Variants in BLNK observed in about 807,000 individuals in gnomAD.
BLNK encodes B-cell linker protein.
A neutral mutation model predicts 73.5 loss-of-function variants in BLNK; 29 were observed. That is an observed-to-expected ratio of 0.39 (90% CI 0.29 to 0.54). The LOEUF (loss-of-function observed/expected upper bound fraction) is 0.54. Ranked by LOEUF, BLNK falls within the 20% of genes least tolerant of loss-of-function variation. The probability of loss-of-function intolerance (pLI) is 0.61; values close to 1 mark genes in which losing one functional copy is unlikely to be tolerated. For synonymous variants in BLNK, 176 were observed against 200.8 expected (o/e 0.88, Z 1.04); for missense variants, 460 against 562.8 (o/e 0.82, Z 1.85).
At chr10:96,249,554 A>C (rs1843191157) in intron 1 of BLNK, among the ~76,000 whole-genome samples, 1 of 152,356 alleles carries the variant, frequency 6.6e-6, no homozygotes, top group South Asian at 2.1e-4. Flanking sequence ...AATTGGGAAA[A>C]GGGAGATTGC....
At chr10:96,196,353 C>A (rs1369958385) in intron 16 of BLNK, among the ~76,000 whole-genome samples, 3 of 152,160 alleles carry the variant, frequency 2.0e-5, no homozygotes, top group African/African-American at 7.2e-5. Context: ...ATGGTAAGCA[C>A]TGAGTTTGGT....
At position 96,190,228 on chromosome 10, in the gene BLNK, G is replaced by T; in HGVS notation, c.*1745C>A. Reference sequence around the variant, plus strand: ...TCCATCGAATCTTCCATCAGGTGGCGGCACACACTTAGGTGGGAGAGAAAG... The same window carrying T: ...TCCATCGAATCTTCCATCAGGTGGCTGCACACACTTAGGTGGGAGAGAAAG... On this transcript the variant is annotated 3_prime_UTR_variant, in exon 17 of 17. Coordinates refer to ENST00000224337, the MANE Select transcript of BLNK (RefSeq NM_013314.4). The T allele has an allele frequency of 1.3e-6, 1 of 753,490 alleles. No homozygotes were observed. Among genetic ancestry groups the T allele is most frequent in the South Asian group, 1.3e-5 (1 of 74,438 alleles). 46.7% of individuals were successfully genotyped at this position (753,490 alleles called of 1,614,324 possible). A position where few individuals can be genotyped will look rare whatever the true frequency, so the allele number is the denominator to read the frequency against.
intron 8 of BLNK, 58 bp from the exon 9 acceptor site, chr10:96,209,965 C>T (rs2083910505): frequency 1.3e-6 from 2 of 1,581,098 alleles, no homozygotes; most frequent in African/African-American, 1.3e-5. Context: ...CTGATGCTCA[C>T]ACTGAGGCTG....
At chr10:96,223,360 G>A (rs1008497006) in intron 6 of BLNK, among the ~76,000 whole-genome samples, 25 of 152,106 alleles carry the variant, frequency 1.6e-4, no homozygotes, top group African/African-American at 5.1e-4. Context: ...CGTCCGCTTG[G>A]CCCTCTTCTA....
intron 1 of BLNK, among the ~76,000 whole-genome samples, chr10:96,263,439 C>A (rs1177403844): frequency 1.3e-5 from 2 of 152,202 alleles, no homozygotes; most frequent in African/African-American, 4.8e-5. Flanking sequence ...AAACAGTCAC[C>A]ACATGTCCCT....
chr10:96,197,639 T>C (rs1316632458), intron 15 of BLNK, among the ~76,000 whole-genome samples: 2 of 152,158 alleles, frequency 1.3e-5, no homozygotes, highest in African/African-American at 4.8e-5. Context: ...ATAAGTACTA[T>C]AAGAAGAAAA....
chr10:96,238,190 T>TTG (rs1842764238), intron 3 of BLNK, among the ~76,000 whole-genome samples: 1 of 152,164 alleles, frequency 6.6e-6, no homozygotes, highest in South Asian at 2.1e-4. Context: ...TCTCCATTCT[T>TTG]TGTGTAATTC....
chr10:96,227,675 G>T, intron 4 of BLNK, 109 bp from the exon 5 acceptor site: 1 of 1,551,808 alleles, frequency 6.4e-7, no homozygotes, highest in Non-Finnish European at 8.8e-7. Context: ...GACAAGGCTT[G>T]GAGAGGTTGA....
At chr10:96,193,654 A>G (rs141142020) in intron 16 of BLNK, among the ~76,000 whole-genome samples, 1,892 of 152,308 alleles carry the variant, frequency 0.012, 18 homozygotes, top group Middle Eastern at 0.024. Flanking sequence ...TGTATTTGAG[A>G]CAGATACATT....
At chr10:96,194,833 C>T (rs934534855) in intron 16 of BLNK, among the ~76,000 whole-genome samples, 4 of 133,980 alleles carry the variant, frequency 3.0e-5, no homozygotes, top group East Asian at 2.3e-4. Flanking sequence ...TGCAGTGGCG[C>T]GATCTCGACT....
At position 96,190,491 on chromosome 10, in the gene BLNK, C is replaced by T. The variant is rs2083311383; in HGVS notation, c.*1482G>A. Among the ~76,000 whole-genome samples, 1 of 152,106 alleles carries T rather than the reference C, an allele frequency of 6.6e-6. No homozygotes were observed. Among genetic ancestry groups the T allele is most frequent in the South Asian group, 2.1e-4 (1 of 4,826 alleles). ...TAAGGTCACATTCTGAGATATGTGG[C>T]CTTATGGATTAGGACTTCAACATAT... On this transcript the variant is annotated 3_prime_UTR_variant, in exon 17 of 17. Coordinates refer to ENST00000224337, the MANE Select transcript of BLNK (RefSeq NM_013314.4).
intron 1 of BLNK, among the ~76,000 whole-genome samples, chr10:96,252,902 G>A (rs1554909606): frequency 6.6e-6 from 1 of 152,148 alleles, no homozygotes; most frequent in Non-Finnish European, 1.5e-5. Context: ...CCTGTTGGTG[G>A]GGGATAGGCT....
At chr10:96,204,248 AAAGAT>A (rs1477271378) in intron 12 of BLNK, 160 bp from the exon 13 acceptor site, 2 of 824,276 alleles carry the variant, frequency 2.4e-6, no homozygotes, top group African/African-American at 3.4e-5. Flanking sequence ...CCAAAACCTT[AAAGAT>A]AAGTAAGACT....
intron 13 of BLNK, chr10:96,203,819 T>TA (rs2083721250): frequency 2.6e-6 from 1 of 381,924 alleles, no homozygotes; most frequent in South Asian, 5.8e-5. Context: ...GCATGATCAG[T>TA]AAAATATTAA....
chr10:96,215,426 T>C, intron 7 of BLNK, 37 bp from the exon 8 acceptor site: 2 of 1,532,502 alleles, frequency 1.3e-6, no homozygotes, highest in South Asian at 1.2e-5. Context: ...TATATATATA[T>C]ATATACATAA....
chr10:96,215,299 C>T (rs1554899589), intron 8 of BLNK, 22 bp downstream of exon 8: 1 of 1,611,644 alleles, frequency 6.2e-7, no homozygotes, highest in South Asian at 1.1e-5. Context: ...TAAAACCAAA[C>T]CAAATCACAC....
rs1554893321 is a variant in BLNK, at chr10:96,191,254, T to TTTTA, written c.*718_*719insTAAA. Among the ~76,000 whole-genome samples the TTTTA allele has an allele frequency of 1.4e-5, 2 of 147,916 alleles. No individual in the cohort carries two copies. Among genetic ancestry groups the TTTTA allele is most frequent in the Non-Finnish European group, 3.0e-5 (2 of 66,556 alleles). Reference sequence around the variant, plus strand: ...AAACCTCTTTTTTTTTTTTTTTTTTTATGTAAATCACCCAGTCTTGAGTAT... The same window carrying TTTTA: ...AAACCTCTTTTTTTTTTTTTTTTTTTTTTAATGTAAATCACCCAGTCTTGAGTAT... On this transcript the variant is annotated 3_prime_UTR_variant, in exon 17 of 17. Transcript: ENST00000224337.
At chr10:96,214,009 C>A (rs1425710235) in intron 8 of BLNK, among the ~76,000 whole-genome samples, 11 of 152,122 alleles carry the variant, frequency 7.2e-5, no homozygotes, top group Non-Finnish European at 7.3e-5. Flanking sequence ...GAAATGAGTC[C>A]AGGAAAAGAT....
rs1554895818 is a variant in BLNK at position 96,200,379 on chromosome 10, A to G, written c.1012-221T>C. 1.3e-5 allele frequency among the ~76,000 whole-genome samples: 2 copies of G among 152,154 alleles called. No homozygotes were observed. The highest frequency in any genetic ancestry group is 2.1e-4 in the South Asian group (1 of 4,826). ...CATTTGGCCTTAGCTAGGTTCCTGA[A>G]TTATTTCTTTCTTTCTCCTAAATAA... On this transcript the variant is annotated intron_variant, in intron 14 of 16. Transcript: ENST00000224337. The surrounding 1 kb of genome is among the most constrained non-coding windows in gnomAD (Gnocchi z 4.3).
Sources: gnomAD v4.1 joint callset for allele counts (sites outside exome capture counted in the v4.1 genomes callset) on GRCh38, gnomAD v4.1.1 for gene constraint, Gnocchi (gnomAD v3.1) non-coding constraint, MANE v1.5 for transcripts, NCBI Gene and HGNC (gene_info 2026-07-23, HGNC 2026-07-21) for gene names.